Variants in SEMA3D observed in about 807,000 individuals in gnomAD.
SEMA3D encodes the protein semaphorin 3D, also known as semaphorin-3D.
SEMA3D carries 84 observed loss-of-function variants against 100.1 expected under a neutral mutation model. The observed-to-expected ratio is 0.84, with a 90% CI of 0.70 to 1.01. The LOEUF is 1.01. Ranked by LOEUF, SEMA3D falls within the 50% of genes least tolerant of loss-of-function variation. SEMA3D has a pLI of 0.00. For synonymous variants in SEMA3D, 312 were observed against 320.7 expected, an observed-to-expected ratio of 0.97 and a Z score of 0.29; for missense variants, 875 against 934.1, an observed-to-expected ratio of 0.94 and a Z score of 0.82.
At chr7:85,240,113 G>A in the SEMA3D span, among the ~76,000 whole-genome samples, 97 of 152,146 alleles carry the variant, frequency 6.4e-4, no homozygotes, top group Middle Eastern at 0.01. Context: ...AATGCTTTAA[G>A]TTTCTTATTA....
intron 8 of SEMA3D, among the ~76,000 whole-genome samples, chr7:85,062,934 C>T (rs920840327): frequency 6.6e-6 from 1 of 152,050 alleles, no homozygotes; most frequent in African/African-American, 2.4e-5. Flanking sequence ...GTCAATAATA[C>T]AAAATGCTAA....
intron 6 of SEMA3D, among the ~76,000 whole-genome samples, chr7:85,070,959 T>C (rs1791755824): frequency 6.6e-6 from 1 of 152,144 alleles, no homozygotes; most frequent in African/African-American, 2.4e-5. Context: ...TTTGTATTAT[T>C]AGAAAAGACG....
intron 1 of SEMA3D, among the ~76,000 whole-genome samples, chr7:85,173,684 A>G (rs1022184266): frequency 5.9e-5 from 9 of 152,148 alleles, no homozygotes; most frequent in Non-Finnish European, 1.2e-4. Flanking sequence ...AACACATCAT[A>G]TAGTATTTCG....
chr7:85,071,702 T>C (rs1194288654), intron 6 of SEMA3D, among the ~76,000 whole-genome samples: 1 of 152,212 alleles, frequency 6.6e-6, no homozygotes, highest in Non-Finnish European at 1.5e-5. Flanking sequence ...CTTGTTACCG[T>C]TGAATACTAC....
intron 1 of SEMA3D, among the ~76,000 whole-genome samples, chr7:85,185,152 C>T (rs2116589101): frequency 6.6e-6 from 1 of 152,232 alleles, no homozygotes; most frequent in African/African-American, 2.4e-5. Flanking sequence ...TGGCTCTCTC[C>T]CTTCTCTGCC....
chr7:85,146,513 C>T (rs1284214177), intron 2 of SEMA3D, among the ~76,000 whole-genome samples: 1 of 151,296 alleles, frequency 6.6e-6, no homozygotes, highest in Non-Finnish European at 1.5e-5. Flanking sequence ...AAGATTGGGC[C>T]ACTGCACTCC....
intron 4 of SEMA3D, among the ~76,000 whole-genome samples, chr7:85,088,205 T>A (rs2116267822): frequency 6.6e-6 from 1 of 152,318 alleles, no homozygotes; most frequent in Non-Finnish European, 1.5e-5. Flanking sequence ...GACAATTAAT[T>A]TTTAATTATT....
At chr7:85,033,156 G>A (rs1465929525) in intron 12 of SEMA3D, among the ~76,000 whole-genome samples, 2 of 152,134 alleles carry the variant, frequency 1.3e-5, no homozygotes, top group African/African-American at 4.8e-5. Flanking sequence ...TTTAGATGCA[G>A]GCTATTTGCT....
At chr7:85,161,097 A>G (rs558137364) in intron 1 of SEMA3D, among the ~76,000 whole-genome samples, 1 of 152,312 alleles carries the variant, frequency 6.6e-6, no homozygotes, top group East Asian at 1.9e-4. Flanking sequence ...CACAATCAAC[A>G]TAAAATAAGG....
chr7:85,151,863 T>C (rs1307813184), intron 2 of SEMA3D: 1 of 306,216 alleles, frequency 3.3e-6, no homozygotes, highest in East Asian at 1.7e-4. Flanking sequence ...CTTACTTTGA[T>C]AAAAATAATG....
In SEMA3D at chr7:85,136,200, T is replaced by C. The variant is rs536188749; in HGVS notation, c.-40-14269A>G. Among the ~76,000 whole-genome samples, 53 of 152,268 alleles carry C rather than the reference T, an allele frequency of 3.5e-4. No individual in the cohort carries two copies. The South Asian group carries it at 0.01, about 29-fold the overall frequency. On this transcript the variant is annotated intron_variant, in intron 2 of 18. Transcript: ENST00000284136. Reference sequence around the variant, plus strand: ...ATGCCAATGAAGAGCAACGAATTCTTGATTATAAAACAATGAGAAAAAGAT... The same window carrying C: ...ATGCCAATGAAGAGCAACGAATTCTCGATTATAAAACAATGAGAAAAAGAT...
At chr7:85,169,444 C>G (rs1488230561) in intron 1 of SEMA3D, among the ~76,000 whole-genome samples, 1 of 151,688 alleles carries the variant, frequency 6.6e-6, no homozygotes, top group African/African-American at 2.4e-5. Context: ...ATGAAGATAA[C>G]CTAAAGCGAA....
intron 2 of SEMA3D, among the ~76,000 whole-genome samples, chr7:85,131,768 T>TA (rs534317398): frequency 1.1e-4 from 16 of 151,828 alleles, no homozygotes; most frequent in Non-Finnish European, 2.1e-4. Context: ...GGTGGTAATT[T>TA]AAAAAAAATT....
the SEMA3D span, among the ~76,000 whole-genome samples, chr7:85,236,285 ATTTATTTATTTATTT>A: frequency 3.5e-5 from 4 of 113,104 alleles, no homozygotes; most frequent in Admixed American, 1.7e-4. Flanking sequence ...ATTTTATTTT[ATTTATTTATTTATTT>A]ATTTATTTAT....
intron 4 of SEMA3D, among the ~76,000 whole-genome samples, chr7:85,090,186 C>A (rs150145730): frequency 1.3e-5 from 2 of 152,086 alleles, no homozygotes; most frequent in South Asian, 2.1e-4. Context: ...GCATGGTGAG[C>A]GCTCAATAAT....
chr7:85,028,726 C>A, intron 12 of SEMA3D: 1 of 194,358 alleles, frequency 5.1e-6, no homozygotes, highest in East Asian at 1.5e-4. Context: ...TTAATTGTGC[C>A]CAATTTGGAG....
chr7:85,042,951 T>C (rs1790904162), intron 9 of SEMA3D, among the ~76,000 whole-genome samples: 1 of 152,168 alleles, frequency 6.6e-6, no homozygotes, highest in Admixed American at 6.5e-5. Context: ...ATATTATTTA[T>C]AGGATTAAAA....
chr7:85,165,407 G>A lies in SEMA3D; in HGVS notation c.-172-11668C>T, dbSNP rs76307468. Reference sequence around the variant, plus strand: ...TTTCAATAGACACATAAGATACGACGTGAGAAAGACGTGATGTAATAGTTT... The same window carrying A: ...TTTCAATAGACACATAAGATACGACATGAGAAAGACGTGATGTAATAGTTT... On this transcript the variant is annotated intron_variant, in intron 1 of 18. Coordinates refer to ENST00000284136, the MANE Select transcript of SEMA3D (RefSeq NM_001384900.1). Among the ~76,000 whole-genome samples, 796 of 152,132 alleles carry A rather than the reference G, an allele frequency of 5.2e-3. 9 individuals are homozygous for A. Among genetic ancestry groups the A allele is most frequent in the African/African-American group, 0.018 (748 of 41,542 alleles).
At chr7:85,108,997 G>T (rs1789013052) in intron 3 of SEMA3D, among the ~76,000 whole-genome samples, 1 of 150,324 alleles carries the variant, frequency 6.7e-6, no homozygotes. Flanking sequence ...AAATATCTTT[G>T]CTGTTATCTG....
Sources: gnomAD v4.1 joint callset for allele counts (sites outside exome capture counted in the v4.1 genomes callset) on GRCh38, gnomAD v4.1.1 for gene constraint, MANE v1.5 for transcripts, NCBI Gene and HGNC (gene_info 2026-07-23, HGNC 2026-07-21) for gene names.